SMOC1: variants seen among roughly 807,000 people sequenced by gnomAD.
SMOC1 encodes SPARC related modular calcium binding 1, also known as SPARC-related modular calcium-binding protein 1.
In SMOC1, 22 loss-of-function variants were observed where a neutral mutation model predicts 56.3. That is an observed-to-expected ratio of 0.39 (90% CI 0.28 to 0.56). The LOEUF (loss-of-function observed/expected upper bound fraction) is 0.56. Among genes scored for constraint, SMOC1 ranks in the 20% least tolerant of loss-of-function variants. The probability of loss-of-function intolerance (pLI) is 0.61; values close to 1 mark genes in which losing one functional copy is unlikely to be tolerated. For synonymous variants in SMOC1, 193 were observed against 215.0 expected (o/e 0.90, Z 0.89); for missense variants, 509 against 565.4 (o/e 0.90, Z 1.01).
At chr14:69,932,479 A>G (rs1442063582) in intron 1 of SMOC1, among the ~76,000 whole-genome samples, 3 of 152,226 alleles carry the variant, frequency 2.0e-5, no homozygotes, top group Non-Finnish European at 4.4e-5. Flanking sequence ...CAAAGCCGCC[A>G]CAAAGGCATC....
At position 69,884,847 on chromosome 14, in the gene SMOC1, T is replaced by C. The variant is rs946813675; in HGVS notation, c.99+5070T>C. Among the ~76,000 whole-genome samples, 13 of 152,248 alleles carry C rather than the reference T, an allele frequency of 8.5e-5. 1 individual carries two copies. The highest frequency in any genetic ancestry group is 8.5e-4 in the Admixed American group (13 of 15,286). On this transcript the variant is annotated intron_variant, in intron 1 of 11. Transcript: ENST00000361956. ...TGGTTCTATAGCTTTGTAGTTTATTTTGAAGTCATATAGTGTGATGCCTCT... is the reference window on the plus strand; with the variant it reads ...TGGTTCTATAGCTTTGTAGTTTATTCTGAAGTCATATAGTGTGATGCCTCT...
At chr14:69,953,353 C>T in intron 2 of SMOC1, 67 bp from the exon 3 acceptor site, 1 of 1,475,704 alleles carries the variant, frequency 6.8e-7, no homozygotes, top group Non-Finnish European at 9.5e-7. Flanking sequence ...TTTTCTCAGC[C>T]ATTTTGTCCC....
rs149949415 is a variant in SMOC1, at chr14:69,957,072, G to C, written c.378+3540G>C. 1.4e-4 allele frequency among the ~76,000 whole-genome samples: 21 copies of C among 152,272 alleles called. No individual in the cohort carries two copies. In the East Asian group the frequency reaches 3.5e-3, roughly 25 times the overall value. ...TCAGGAGCTATAGGCTTTGTCCTTT[G>C]CTATGGTCTTATCTGTTTTCTGTTC... On this transcript the variant is annotated intron_variant, in intron 3 of 11. Coordinates refer to ENST00000361956, the MANE Select transcript of SMOC1 (RefSeq NM_001034852.3).
rs112176242 is a variant in SMOC1 at position 69,975,384 on chromosome 14, C to T, written c.379-331C>T. On this transcript the variant is annotated intron_variant, in intron 3 of 11. Transcript: ENST00000361956. Reference sequence around the variant, plus strand: ...AGAATTTTTTACAGTTGGATGGGAGCGTATGCCAGTGCTAGAGAAAACAAA... The same window carrying T: ...AGAATTTTTTACAGTTGGATGGGAGTGTATGCCAGTGCTAGAGAAAACAAA... 2.6e-5 allele frequency among the ~76,000 whole-genome samples: 4 copies of T among 152,128 alleles called. No individual in the cohort carries two copies. In the East Asian group the frequency reaches 5.8e-4, roughly 22 times the overall value.
intron 10 of SMOC1, among the ~76,000 whole-genome samples, chr14:70,016,781 C>T (rs1885530077): frequency 6.6e-6 from 1 of 152,196 alleles, no homozygotes. Context: ...ACCTCTATGT[C>T]AGTTGCTCCT....
At position 69,895,952 on chromosome 14, in the gene SMOC1, A is replaced by C. The variant is rs535196060; in HGVS notation, c.99+16175A>C. ...CAACTGAACTCTTGGGGCTCATATG[A>C]TCCTAATGCCTTAGCCTCCTGAGTA... On this transcript the variant is annotated intron_variant, in intron 1 of 11. Transcript: ENST00000361956. 4.1e-5 allele frequency among the ~76,000 whole-genome samples: 6 copies of C among 146,320 alleles called. 1 individual carries two copies. The South Asian group carries it at 1.3e-3, about 31-fold the overall frequency.
intron 7 of SMOC1, among the ~76,000 whole-genome samples, chr14:70,008,432 C>T (rs1885219174): frequency 6.6e-6 from 1 of 152,172 alleles, no homozygotes; most frequent in Admixed American, 6.6e-5. Flanking sequence ...AGCCACTGAG[C>T]CTGGCATTTT....
intron 3 of SMOC1, among the ~76,000 whole-genome samples, chr14:69,972,707 C>A (rs1883812321): frequency 6.6e-6 from 1 of 152,182 alleles, no homozygotes; most frequent in African/African-American, 2.4e-5. Context: ...GAGAATGTGG[C>A]CCTTGGGACC....
intron 7 of SMOC1, 50 bp downstream of exon 7, chr14:69,994,530 C>T (rs1884697031): frequency 6.9e-7 from 1 of 1,458,962 alleles, no homozygotes; most frequent in Non-Finnish European, 9.6e-7. Flanking sequence ...TCCTTCCTTG[C>T]CCCGTGGTTC....
chr14:69,909,904 C>T (rs942714142), intron 1 of SMOC1, among the ~76,000 whole-genome samples: 1 of 152,154 alleles, frequency 6.6e-6, no homozygotes, highest in African/African-American at 2.4e-5. Context: ...GGACAGGACT[C>T]CATTGATTAT....
intron 1 of SMOC1, among the ~76,000 whole-genome samples, chr14:69,918,236 A>ATTT (rs199553975): frequency 6.7e-6 from 1 of 149,168 alleles, no homozygotes; most frequent in South Asian, 2.1e-4. Flanking sequence ...ATATATATAT[A>ATTT]TTTTTTTTTT....
chr14:69,895,376 T>C (rs981728521), intron 1 of SMOC1, among the ~76,000 whole-genome samples: 2 of 152,190 alleles, frequency 1.3e-5, no homozygotes, highest in Non-Finnish European at 2.9e-5. Context: ...TAGATCTTGG[T>C]GTAGGACTCT....
intron 1 of SMOC1, among the ~76,000 whole-genome samples, chr14:69,924,261 T>A (rs1884930097): frequency 6.6e-6 from 1 of 152,166 alleles, no homozygotes; most frequent in African/African-American, 2.4e-5. Flanking sequence ...TGACCTCACC[T>A]CCCAAATGCA....
At chr14:69,999,741 G>T (rs1382094043) in intron 7 of SMOC1, among the ~76,000 whole-genome samples, 2 of 152,138 alleles carry the variant, frequency 1.3e-5, no homozygotes, top group Non-Finnish European at 2.9e-5. Context: ...TCCCTTTGCG[G>T]AGAGAAGCAA....
At chr14:70,019,688 T>G (rs1204757829) in intron 10 of SMOC1, among the ~76,000 whole-genome samples, 1 of 152,196 alleles carries the variant, frequency 6.6e-6, no homozygotes, top group Non-Finnish European at 1.5e-5. Flanking sequence ...CTAACTGTGA[T>G]GGAAAGTCTC....
intron 7 of SMOC1, among the ~76,000 whole-genome samples, chr14:69,997,145 T>C (rs1385718825): frequency 6.6e-6 from 1 of 152,212 alleles, no homozygotes. Context: ...TGTATGGGGA[T>C]GTCTTACTTA....
chr14:69,919,921 C>A (rs1020499602), intron 1 of SMOC1, among the ~76,000 whole-genome samples: 27 of 148,690 alleles, frequency 1.8e-4, no homozygotes, highest in African/African-American at 4.7e-4. Flanking sequence ...CCCCCCCCCC[C>A]CTTTCTCCCC....
chr14:69,882,256 G>A (rs916506146), intron 1 of SMOC1, among the ~76,000 whole-genome samples: 1 of 152,128 alleles, frequency 6.6e-6, no homozygotes, highest in Non-Finnish European at 1.5e-5. Context: ...TTCCCTGTGG[G>A]CGCTCCTAAG....
At chr14:69,924,384 C>T (rs1884933397) in intron 1 of SMOC1, among the ~76,000 whole-genome samples, 1 of 152,136 alleles carries the variant, frequency 6.6e-6, no homozygotes, top group South Asian at 2.1e-4. Flanking sequence ...ATCTACTCAG[C>T]CCTGGAAATC....
Sources: allele counts gnomAD v4.1 joint callset (sites outside exome capture counted in the v4.1 genomes callset), GRCh38; gene constraint gnomAD v4.1.1; transcripts MANE v1.5; gene names NCBI Gene and HGNC (gene_info 2026-07-23, HGNC 2026-07-21).